Variants in BAIAP2 observed in about 807,000 individuals in gnomAD.
BAIAP2 encodes BAR/IMD domain containing adaptor protein 2, also known as BAR/IMD domain-containing adapter protein 2.
A neutral mutation model predicts 63.0 loss-of-function variants in BAIAP2; 18 were observed. The ratio of observed to expected loss-of-function variants is 0.29; its 90% CI spans 0.20 to 0.42. BAIAP2 has a LOEUF of 0.42. Among genes scored for constraint, BAIAP2 ranks in the 10% least tolerant of loss-of-function variants. The pLI, the probability that BAIAP2 is intolerant of heterozygous loss-of-function variation, is 1.00. For synonymous variants in BAIAP2, 386 were observed against 307.6 expected (o/e 1.25, Z -2.67); for missense variants, 610 against 734.3 (o/e 0.83, Z 1.96).
intron 1 of BAIAP2, among the ~76,000 whole-genome samples, chr17:81,038,292 T>G (rs6565528): frequency 0.91 from 139,168 of 152,308 alleles, 63,649 homozygotes; most frequent in African/African-American, 0.96. Flanking sequence ...GCTGGCTGTG[T>G]CTCCTGGAAT....
At chr17:81,062,688 CT>C (rs36092037) in intron 3 of BAIAP2, among the ~76,000 whole-genome samples, 82,301 of 133,148 alleles carry the variant, frequency 0.62, 25,300 homozygotes, top group East Asian at 0.83. Context: ...TTTTTCTTTC[CT>C]TTTTTTTTTT....
At chr17:81,035,989 G>A (rs943734184) in intron 1 of BAIAP2, 2 of 152,256 alleles carry the variant, frequency 1.3e-5, no homozygotes, top group Non-Finnish European at 1.5e-5. Flanking sequence ...TGTGTAGGAG[G>A]CTGACGTGCC....
intron 13 of BAIAP2, among the ~76,000 whole-genome samples, chr17:81,114,574 C>T (rs992942914): frequency 9.9e-5 from 15 of 152,240 alleles, no homozygotes; most frequent in Non-Finnish European, 8.8e-5. Context: ...AATGCTTAGA[C>T]GCCATCTGGG....
rs1020659866 is a variant in BAIAP2 at position 81,106,823 on chromosome 17, C to T, written c.1416C>T (p.Gly472=). 1.9e-5 allele frequency: 30 copies of T among 1,611,714 alleles called. No individual in the cohort carries two copies. Among genetic ancestry groups the T allele is most frequent in the Admixed American group, 1.2e-4 (7 of 59,906 alleles). The change falls in exon 12 of 14, where the codon GGC becomes GGT. Residue 472 remains glycine (G), a synonymous_variant. Coordinates refer to ENST00000428708, the MANE Select transcript of BAIAP2 (RefSeq NM_001144888.2). ...DDLAIPPPDY[G]AASRAFPAQT... is the part of the protein sequence containing the mutation. ...TGGCCATCCCACCCCCCGATTACGG[C>T]GCCGCCTCCCGGGCCTTCCCCGCCC...
chr17:81,115,062 C>G (rs569912695), intron 13 of BAIAP2, among the ~76,000 whole-genome samples: 1 of 152,388 alleles, frequency 6.6e-6, no homozygotes, highest in East Asian at 1.9e-4. Context: ...AAGGCTCAGG[C>G]ATCCCTCTCA....
intron 1 of BAIAP2, among the ~76,000 whole-genome samples, chr17:81,048,155 C>T (rs2048108772): frequency 6.6e-6 from 1 of 152,126 alleles, no homozygotes; most frequent in Non-Finnish European, 1.5e-5. Flanking sequence ...GAGGCTGAGG[C>T]GGGCGGATCG....
chr17:81,061,316 C>G (rs556682190), intron 3 of BAIAP2, among the ~76,000 whole-genome samples: 6 of 152,298 alleles, frequency 3.9e-5, no homozygotes, highest in Admixed American at 3.9e-4. Flanking sequence ...GTTTGTACAA[C>G]TTCATCGAGG....
chr17:81,062,621 T>A (rs867655639), intron 3 of BAIAP2, among the ~76,000 whole-genome samples: 7 of 152,264 alleles, frequency 4.6e-5, no homozygotes, highest in African/African-American at 1.7e-4. Flanking sequence ...GCCCCGTGTT[T>A]TCTGGGTCCT....
At chr17:81,095,178 C>G (rs1163925212) in intron 6 of BAIAP2, among the ~76,000 whole-genome samples, 1 of 152,024 alleles carries the variant, frequency 6.6e-6, no homozygotes, top group African/African-American at 2.4e-5. Flanking sequence ...GGTGGCTCAG[C>G]GGCGGGCGGG....
chr17:81,056,814 TGCTGTTGC>T (rs2049652170), intron 2 of BAIAP2, among the ~76,000 whole-genome samples: 1 of 152,116 alleles, frequency 6.6e-6, no homozygotes. Context: ...TGCGTTTTTC[TGCTGTTGC>T]GTTTTTCTGC....
chr17:81,097,891 G>A (rs962140294), intron 6 of BAIAP2, among the ~76,000 whole-genome samples: 3 of 152,324 alleles, frequency 2.0e-5, no homozygotes, highest in Non-Finnish European at 2.9e-5. Flanking sequence ...AGCCTCATCA[G>A]CGTTTTGGGA....
In BAIAP2 at chr17:81,087,176, AAG is replaced by A. The variant is rs372005036; in HGVS notation, c.489+598_489+599del. Among the ~76,000 whole-genome samples the A allele has an allele frequency of 1.0e-3, 156 of 152,306 alleles. 3 individuals are homozygous for A. The highest frequency in any genetic ancestry group is 3.5e-4 in the Non-Finnish European group (24 of 68,014). ...TGGGGTCATAGTGATACAGAAGAGA[AAG>A]AAACACAAAACAAGATGCCCAGTCG... On this transcript the variant is annotated intron_variant, in intron 6 of 13. Coordinates refer to ENST00000428708, the MANE Select transcript of BAIAP2 (RefSeq NM_001144888.2).
intron 5 of BAIAP2, among the ~76,000 whole-genome samples, chr17:81,085,932 G>A (rs999474961): frequency 1.3e-5 from 2 of 152,240 alleles, no homozygotes; most frequent in Admixed American, 1.3e-4. Flanking sequence ...CGTTGCCTCT[G>A]ACGCCCCACA....
intron 3 of BAIAP2, among the ~76,000 whole-genome samples, chr17:81,074,327 C>T (rs1380944355): frequency 1.3e-4 from 19 of 151,246 alleles, no homozygotes; most frequent in Admixed American, 1.1e-3. Flanking sequence ...TGTGCATGCA[C>T]GGATACGTGT....
chr17:81,085,267 C>A, intron 4 of BAIAP2: 2 of 495,288 alleles, frequency 4.0e-6, no homozygotes, highest in African/African-American at 1.9e-5. Context: ...ACGTTGCTGG[C>A]GGCTGGTTTG....
intron 1 of BAIAP2, among the ~76,000 whole-genome samples, chr17:81,047,582 C>G (rs925143097): frequency 2.9e-4 from 44 of 151,812 alleles, no homozygotes; most frequent in Admixed American, 2.9e-3. Flanking sequence ...CAGCTCATGC[C>G]CACAGCACAC....
At chr17:81,065,786 C>G (rs2051355315) in intron 3 of BAIAP2, among the ~76,000 whole-genome samples, 1 of 152,236 alleles carries the variant, frequency 6.6e-6, no homozygotes, top group Non-Finnish European at 1.5e-5. Flanking sequence ...TACACCTGGG[C>G]AGGTGGCTCT....
chr17:81,078,241 G>A (rs1454675463), intron 3 of BAIAP2, among the ~76,000 whole-genome samples: 14 of 130,538 alleles, frequency 1.1e-4, no homozygotes, highest in African/African-American at 2.8e-4. Context: ...CTGTGGGTAC[G>A]GGTGCCGTAT....
intron 3 of BAIAP2, among the ~76,000 whole-genome samples, chr17:81,070,273 C>A (rs1390995155): frequency 1.3e-5 from 2 of 152,124 alleles, no homozygotes; most frequent in African/African-American, 2.4e-5. Flanking sequence ...GTTGGTCTTG[C>A]AAGGCAAATT....
Sources: allele counts gnomAD v4.1 joint callset (sites outside exome capture counted in the v4.1 genomes callset), GRCh38; gene constraint gnomAD v4.1.1; transcripts MANE v1.5; gene names NCBI Gene and HGNC (gene_info 2026-07-23, HGNC 2026-07-21).